Variants in MCC observed in about 807,000 individuals in gnomAD.
MCC encodes colorectal mutant cancer protein.
A neutral mutation model predicts 116.2 loss-of-function variants in MCC; 90 were observed. The ratio of observed to expected loss-of-function variants is 0.77; its 90% CI spans 0.65 to 0.92. The LOEUF is 0.92. MCC is among the 40% of genes least tolerant of loss of function. MCC has a pLI of 0.00. For missense variants in MCC, 1,516 were observed against 1,312.2 expected, an observed-to-expected ratio of 1.16 and a Z score of -2.40; for synonymous variants, 578 against 510.5, an observed-to-expected ratio of 1.13 and a Z score of -1.78.
intron 3 of MCC, among the ~76,000 whole-genome samples, chr5:113,278,398 G>C: frequency 6.6e-6 from 1 of 152,204 alleles, no homozygotes; most frequent in South Asian, 2.1e-4. Flanking sequence ...AACAGCCATT[G>C]TGGTACGAAA....
In MCC at chr5:113,039,711, G is replaced by GCC. The variant is rs61635777; in HGVS notation, c.2756+3817_2756+3818dup. Among the ~76,000 whole-genome samples the GCC allele has an allele frequency of 7.6e-3, 400 of 52,290 alleles. 11 individuals carry two copies. Among genetic ancestry groups the GCC allele is most frequent in the African/African-American group, 0.025 (379 of 15,342 alleles). The allele number at this position is 52,290 out of a possible 152,430, so 34.3% of individuals were successfully genotyped here. A position where few individuals can be genotyped will look rare whatever the true frequency, so the allele number is the denominator to read the frequency against. On this transcript the variant is annotated intron_variant, in intron 17 of 18. Coordinates refer to ENST00000408903, the MANE Select transcript of MCC (RefSeq NM_001085377.2). ...ACTCAGCCTTGCCGTCCCACTCCGCGCCCCCCCCCCCAACCCACCCCAGGA... is the reference window on the plus strand; with the variant it reads ...ACTCAGCCTTGCCGTCCCACTCCGCGCCCCCCCCCCCCCAACCCACCCCAGGA...
At chr5:113,444,226 C>T (rs569489206) in intron 1 of MCC, among the ~76,000 whole-genome samples, 4 of 151,990 alleles carry the variant, frequency 2.6e-5, no homozygotes, top group Non-Finnish European at 5.9e-5. Flanking sequence ...TTTAACTGGC[C>T]GGTCATAGTT....
Position 113,278,594 on chromosome 5 carries a change from AG to A in MCC, c.627+61924del, listed in dbSNP as rs1225215159. Among the ~76,000 whole-genome samples the A allele has an allele frequency of 2.6e-5, 4 of 152,322 alleles. No homozygotes were observed. The East Asian group carries it at 7.7e-4, about 29-fold the overall frequency. On this transcript the variant is annotated intron_variant, in intron 3 of 18. Transcript: ENST00000408903. ...GCAGGAGGTAGACAAGCAAAGTTTAAGGATGTGGATAGTATACCAGTGGAGG... is the reference window on the plus strand; with the variant it reads ...GCAGGAGGTAGACAAGCAAAGTTTAAGATGTGGATAGTATACCAGTGGAGG...
chr5:113,048,243 T>A (rs1203239652), intron 16 of MCC, among the ~76,000 whole-genome samples: 1 of 152,248 alleles, frequency 6.6e-6, no homozygotes, highest in East Asian at 1.9e-4. Context: ...TTGCTTTCTG[T>A]GGTTTCGGTT....
At chr5:113,396,796 GCA>G (rs1237128907) in intron 1 of MCC, among the ~76,000 whole-genome samples, 2 of 152,094 alleles carry the variant, frequency 1.3e-5, no homozygotes, top group Non-Finnish European at 2.9e-5. Flanking sequence ...ATGATACCTG[GCA>G]TATAATAGGT....
chr5:113,227,931 C>A (rs770434082), intron 3 of MCC, among the ~76,000 whole-genome samples: 68 of 152,274 alleles, frequency 4.5e-4, no homozygotes, highest in Non-Finnish European at 6.8e-4. Context: ...CATTCTTGGA[C>A]CAATGCATCC....
At chr5:113,263,775 G>T (rs1047115954) in intron 3 of MCC, among the ~76,000 whole-genome samples, 1 of 152,122 alleles carries the variant, frequency 6.6e-6, no homozygotes, top group African/African-American at 2.4e-5. Flanking sequence ...TTCCTGAAAC[G>T]TTTATGGTGT....
At chr5:113,203,245 G>A (rs558313193) in intron 3 of MCC, 1 of 152,560 alleles carries the variant, frequency 6.6e-6, no homozygotes, top group South Asian at 2.1e-4. Context: ...ACCTTGACAT[G>A]TGCTCTGGTC....
chr5:113,193,090 C>T (rs749488026), intron 3 of MCC, among the ~76,000 whole-genome samples: 3 of 152,154 alleles, frequency 2.0e-5, no homozygotes, highest in Non-Finnish European at 2.9e-5. Context: ...TTCCTTGGCT[C>T]GTGGCCCCTT....
chr5:113,338,359 C>G (rs1767921387), intron 3 of MCC, among the ~76,000 whole-genome samples: 1 of 152,168 alleles, frequency 6.6e-6, no homozygotes, highest in Non-Finnish European at 1.5e-5. Flanking sequence ...CTTGACTCCC[C>G]TGAAGAGCCA....
intron 2 of MCC, among the ~76,000 whole-genome samples, chr5:113,368,938 G>T (rs1384568270): frequency 6.6e-6 from 1 of 152,126 alleles, no homozygotes; most frequent in African/African-American, 2.4e-5. Context: ...CTTTTCCTTG[G>T]ATTTGATTAA....
chr5:113,219,306 C>T lies in MCC; in HGVS notation c.628-67884G>A, dbSNP rs898039258. ...CTGTACACAGGAAGGTTAAAGGAAA[C>T]GGCCCTTGGCAATGAATTCTGGAGG... On this transcript the variant is annotated intron_variant, in intron 3 of 18. Coordinates refer to ENST00000408903, the MANE Select transcript of MCC (RefSeq NM_001085377.2). 2.6e-5 allele frequency among the ~76,000 whole-genome samples: 4 copies of T among 152,160 alleles called. No individual in the cohort carries two copies. In the East Asian group the frequency reaches 5.8e-4, roughly 22 times the overall value.
intron 1 of MCC, among the ~76,000 whole-genome samples, chr5:113,423,557 G>A (rs565083881): frequency 6.6e-6 from 1 of 152,190 alleles, no homozygotes; most frequent in African/African-American, 2.4e-5. Context: ...GAGAACAGAA[G>A]TGATGATTAG....
intron 1 of MCC, among the ~76,000 whole-genome samples, chr5:113,442,706 T>G (rs545025050): frequency 6.6e-6 from 1 of 152,210 alleles, no homozygotes; most frequent in African/African-American, 2.4e-5. Flanking sequence ...CAGTTTCAGT[T>G]TTCTGCATAT....
intron 3 of MCC, among the ~76,000 whole-genome samples, chr5:113,338,910 C>T (rs1363511763): frequency 1.3e-5 from 2 of 152,158 alleles, no homozygotes; most frequent in East Asian, 1.9e-4. Context: ...TTTTATGAGA[C>T]ATTATCATAC....
chr5:113,153,475 AGAGT>A (rs1760001827), intron 3 of MCC, among the ~76,000 whole-genome samples: 1 of 152,234 alleles, frequency 6.6e-6, no homozygotes, highest in Non-Finnish European at 1.5e-5. Flanking sequence ...CACCGGGCTT[AGAGT>A]GATAATACCT....
chr5:113,034,388 T>C (rs553118149), intron 17 of MCC, among the ~76,000 whole-genome samples: 1 of 152,316 alleles, frequency 6.6e-6, no homozygotes, highest in African/African-American at 2.4e-5. Context: ...AGCCTGGCAG[T>C]GCGGCTTCGT....
chr5:113,244,633 G>A (rs1398624805), intron 3 of MCC, among the ~76,000 whole-genome samples: 1 of 152,178 alleles, frequency 6.6e-6, no homozygotes, highest in Admixed American at 6.5e-5. Context: ...CCAAATGGAA[G>A]GAAACAAAAT....
At chr5:113,035,512 C>A (rs528749002) in intron 17 of MCC, among the ~76,000 whole-genome samples, 1 of 152,346 alleles carries the variant, frequency 6.6e-6, no homozygotes, top group Admixed American at 6.5e-5. Context: ...GTGGAATAAA[C>A]CCTGTGGTCT....
Sources: allele counts gnomAD v4.1 joint callset (sites outside exome capture counted in the v4.1 genomes callset), GRCh38; gene constraint gnomAD v4.1.1; transcripts MANE v1.5; gene names NCBI Gene and HGNC (gene_info 2026-07-23, HGNC 2026-07-21).